The following ME1 variants were observed in gnomAD, a reference collection of about 807,000 sequenced individuals.
ME1 encodes NADP-dependent malic enzyme.
In ME1, 74 loss-of-function variants were observed where a neutral mutation model predicts 66.4. The ratio of observed to expected loss-of-function variants is 1.11; its 90% confidence interval spans 0.92 to 1.35. The LOEUF is 1.35. ME1 is among the 40% of genes most tolerant of loss of function. The pLI, the probability that ME1 is intolerant of heterozygous loss-of-function variation, is 0.00. For missense variants in ME1, 750 were observed against 694.1 expected (o/e 1.08, Z -0.90); for synonymous variants, 251 against 235.6 (o/e 1.07, Z -0.60).
chr6:83,301,456 C>T (rs976761181), intron 6 of ME1, among the ~76,000 whole-genome samples: 1 of 152,032 alleles, frequency 6.6e-6, no homozygotes, highest in Non-Finnish European at 1.5e-5. Context: ...GATTCTCCTG[C>T]CTCAGCCTCC....
intron 9 of ME1, among the ~76,000 whole-genome samples, chr6:83,237,279 G>GAAAGAAAGAAAGA (rs58047261): frequency 2.0e-5 from 1 of 50,582 alleles, no homozygotes; most frequent in Non-Finnish European, 4.1e-5. Flanking sequence ...AAGAAAGAAA[G>GAAAGAAAGAAAGA]GAAGGAAGGA....
chr6:83,320,969 G>T (rs146188767), intron 5 of ME1, among the ~76,000 whole-genome samples: 1 of 152,256 alleles, frequency 6.6e-6, no homozygotes, highest in African/African-American at 2.4e-5. Context: ...CATCTCATTG[G>T]GATGGGTTAG....
intron 3 of ME1, among the ~76,000 whole-genome samples, chr6:83,368,869 G>A (rs1232682213): frequency 2.0e-5 from 3 of 151,942 alleles, no homozygotes; most frequent in Non-Finnish European, 4.4e-5. Context: ...ATATTCTCTG[G>A]GTCTATGATA....
intron 3 of ME1, among the ~76,000 whole-genome samples, chr6:83,377,731 G>A (rs956853917): frequency 6.6e-6 from 1 of 152,104 alleles, no homozygotes; most frequent in Non-Finnish European, 1.5e-5. Flanking sequence ...ATTTCCCCAA[G>A]ATCTTGCTAA....
chr6:83,240,524 T>C (rs1177505783), intron 7 of ME1, among the ~76,000 whole-genome samples: 1 of 152,124 alleles, frequency 6.6e-6, no homozygotes, highest in Non-Finnish European at 1.5e-5. Context: ...TTGCTTTAAG[T>C]GTAATTACAC....
intron 9 of ME1, among the ~76,000 whole-genome samples, chr6:83,236,930 G>C (rs572940673): frequency 6.6e-6 from 1 of 152,038 alleles, no homozygotes; most frequent in South Asian, 2.1e-4. Context: ...CAAGTGCAGT[G>C]GTTCATGCCT....
rs1352163682 is a variant in ME1 at position 83,239,638 on chromosome 6, T to G, written c.815-2A>C. On this transcript the variant is annotated splice_acceptor_variant, in intron 7 of 13. Transcript: ENST00000369705. LOFTEE classifies it high-confidence loss of function. The stretch of plus-strand genomic sequence containing the variant: ...CTGCAACTGCAACAGATGCTGTTCC[T>G]GAAACAAGTAATAAATATCCTTGAG... The G allele has an allele frequency of 1.9e-6, 3 of 1,604,806 alleles. No individual in the cohort carries two copies. The highest frequency in any genetic ancestry group is 2.7e-5 in the African/African-American group (2 of 74,730).
chr6:83,322,842 G>C (rs534773522), intron 5 of ME1, among the ~76,000 whole-genome samples: 2 of 152,262 alleles, frequency 1.3e-5, no homozygotes, highest in Non-Finnish European at 2.9e-5. Context: ...GCAACCCCAA[G>C]ATGCATAATC....
intron 9 of ME1, among the ~76,000 whole-genome samples, chr6:83,234,042 C>T (rs1015208060): frequency 2.0e-5 from 3 of 152,008 alleles, no homozygotes; most frequent in Non-Finnish European, 2.9e-5. Context: ...GTAAAAGACA[C>T]GAAGTAAGAG....
rs1485188902 is a variant in ME1 at position 83,253,668 on chromosome 6, A to G, written c.775T>C (p.Tyr259His). Residue 259 changes from tyrosine (Y) to histidine (H), a missense_variant, in exon 7 of 14, where the codon TAT becomes CAT. Coordinates refer to ENST00000369705, the MANE Select transcript of ME1 (RefSeq NM_002395.6). ...NVNAFRLLNKYRNQYCTFNDD... is the reference protein window; with the variant it reads ...NVNAFRLLNKHRNQYCTFNDD... ...TTGAATGTGCAATACTGGTTTCGAT[A>G]CTTGTTCAGGAGACGAAATGCATTC... 6 of 1,611,916 alleles carry G rather than the reference A, an allele frequency of 3.7e-6. No homozygotes were observed. The highest frequency in any genetic ancestry group is 5.1e-6 in the Non-Finnish European group (6 of 1,178,400).
intron 7 of ME1, among the ~76,000 whole-genome samples, chr6:83,245,376 C>G (rs1790599279): frequency 6.6e-6 from 1 of 151,710 alleles, no homozygotes; most frequent in Non-Finnish European, 1.5e-5. Flanking sequence ...ACTTCTTTCC[C>G]AAAGTAGTGG....
intron 6 of ME1, among the ~76,000 whole-genome samples, chr6:83,312,969 C>A (rs1410335393): frequency 2.6e-5 from 4 of 152,100 alleles, no homozygotes; most frequent in Admixed American, 2.6e-4. Context: ...GCTGGCCAGG[C>A]TGGTCTCCAA....
intron 6 of ME1, among the ~76,000 whole-genome samples, chr6:83,282,239 G>A (rs975982742): frequency 2.6e-5 from 4 of 152,166 alleles, no homozygotes; most frequent in African/African-American, 4.8e-5. Flanking sequence ...AAAAGCAATT[G>A]CAATGAAAGC....
At chr6:83,308,287 T>G (rs1767862331) in intron 6 of ME1, among the ~76,000 whole-genome samples, 1 of 151,032 alleles carries the variant, frequency 6.6e-6, no homozygotes, top group South Asian at 2.1e-4. Context: ...TTAAATATAG[T>G]CTTTGTTGAA....
At chr6:83,239,188 T>C (rs1235027495) in intron 8 of ME1, among the ~76,000 whole-genome samples, 1 of 152,024 alleles carries the variant, frequency 6.6e-6, no homozygotes, top group Non-Finnish European at 1.5e-5. Context: ...CACTGGAGTA[T>C]ACTAAAAGCC....
At chr6:83,372,058 A>G (rs1219852428) in intron 3 of ME1, among the ~76,000 whole-genome samples, 3 of 152,146 alleles carry the variant, frequency 2.0e-5, no homozygotes, top group Non-Finnish European at 4.4e-5. Context: ...CATGCAACAA[A>G]CCATTATGTC....
intron 1 of ME1, among the ~76,000 whole-genome samples, chr6:83,415,902 A>C (rs940877465): frequency 6.6e-6 from 1 of 152,156 alleles, no homozygotes; most frequent in Non-Finnish European, 1.5e-5. Flanking sequence ...TTTAGGACAG[A>C]CAATTATTTG....
chr6:83,285,893 G>T (rs1010139841), intron 6 of ME1, among the ~76,000 whole-genome samples: 4 of 152,132 alleles, frequency 2.6e-5, no homozygotes, highest in African/African-American at 9.7e-5. Flanking sequence ...GAATAACCGA[G>T]TTTTCCATAG....
intron 6 of ME1, among the ~76,000 whole-genome samples, chr6:83,299,120 T>C (rs1235587354): frequency 6.6e-6 from 1 of 151,966 alleles, no homozygotes; most frequent in Non-Finnish European, 1.5e-5. Flanking sequence ...AGTAGCTTTT[T>C]CTAGTTCTGT....
Sources: gnomAD v4.1 joint callset for allele counts (sites outside exome capture counted in the v4.1 genomes callset) on GRCh38, gnomAD v4.1.1 for gene constraint, MANE v1.5 for transcripts, NCBI Gene and HGNC (gene_info 2026-07-23, HGNC 2026-07-21) for gene names.